The following TRPC6 variants were observed in gnomAD, a reference collection of about 807,000 sequenced individuals.
TRPC6 encodes the protein transient receptor potential cation channel subfamily C member 6.
TRPC6 carries 55 observed loss-of-function variants against 90.7 expected under a neutral mutation model. That is an observed-to-expected ratio of 0.61 (90% CI 0.49 to 0.76). The LOEUF (loss-of-function observed/expected upper bound fraction) is 0.76. TRPC6 is among the 30% of genes least tolerant of loss of function. The pLI is 0.00. For missense variants in TRPC6, 989 were observed against 1,122.7 expected (o/e 0.88, Z 1.70); for synonymous variants, 393 against 393.0 (o/e 1.00, Z 0.00).
At chr11:101,467,588 T>C (rs936671141) in intron 10 of TRPC6, among the ~76,000 whole-genome samples, 2 of 152,194 alleles carry the variant, frequency 1.3e-5, no homozygotes, top group African/African-American at 4.8e-5. Context: ...CAGAAATTGC[T>C]CACAAAATAT....
intron 2 of TRPC6, among the ~76,000 whole-genome samples, chr11:101,499,804 C>A (rs1860058986): frequency 1.2e-5 from 1 of 86,074 alleles, no homozygotes; most frequent in Admixed American, 1.2e-4. Flanking sequence ...TATATATATA[C>A]ACAGTATAAA....
At chr11:101,476,038 A>G (rs896033111) in intron 6 of TRPC6, among the ~76,000 whole-genome samples, 32 of 152,142 alleles carry the variant, frequency 2.1e-4, no homozygotes, top group African/African-American at 7.5e-4. Context: ...TGTATTCTCC[A>G]TGAAGTTTGA....
chr11:101,567,071 TG>T (rs371959897), intron 1 of TRPC6, among the ~76,000 whole-genome samples: 8 of 58,200 alleles, frequency 1.4e-4, no homozygotes, highest in East Asian at 4.6e-4. Flanking sequence ...CGGGGCGGGG[TG>T]GGGGGGGTCC....
At chr11:101,569,816 A>G (rs1218879823) in intron 1 of TRPC6, among the ~76,000 whole-genome samples, 1 of 152,202 alleles carries the variant, frequency 6.6e-6, no homozygotes, top group African/African-American at 2.4e-5. Flanking sequence ...GTTCTTTGAA[A>G]CCAACAAGAA....
chr11:101,452,077 C>T lies in TRPC6; in HGVS notation c.*878G>A, dbSNP rs1488046524. ...TGTGGGGATTCATCTGTAAATGCTC[C>T]CAGAAATGGCACAAAATTGTGCTAT... On this transcript the variant is annotated 3_prime_UTR_variant, in exon 13 of 13. Coordinates refer to ENST00000344327, the MANE Select transcript of TRPC6 (RefSeq NM_004621.6). The T allele has an allele frequency of 6.6e-6, 1 of 152,074 alleles. No individual in the cohort carries two copies. The highest frequency in any genetic ancestry group is 6.6e-5 in the Admixed American group (1 of 15,262). The allele number at this position is 152,074 out of a possible 1,614,324, so 9.4% of individuals were successfully genotyped here.
intron 1 of TRPC6, among the ~76,000 whole-genome samples, chr11:101,582,616 C>T (rs1862222446): frequency 6.6e-6 from 1 of 152,114 alleles, no homozygotes; most frequent in Non-Finnish European, 1.5e-5. Context: ...TTACCCACAG[C>T]CCAATACAAA....
chr11:101,491,686 AG>A lies in TRPC6; in HGVS notation c.997del (p.Asp334IlefsTer13), dbSNP rs750673675. On this transcript the variant is annotated frameshift_variant, in exon 3 of 13. Coordinates refer to ENST00000344327, the MANE Select transcript of TRPC6 (RefSeq NM_004621.6). LOFTEE classifies it high-confidence loss of function. ...TTCTTCAGTGTTTCTGCACAGATCAAGGAGTCCAACAACAAAGTCTTTGCAC... is the reference window on the plus strand; with the variant it reads ...TTCTTCAGTGTTTCTGCACAGATCAAGAGTCCAACAACAAAGTCTTTGCAC... Reference protein sequence around the residue: ...MQCKDFVVGLLDLCRNTEEVE... With the variant: ...MQCKDFVVGLXDLCRNTEEVE... 6.2e-7 allele frequency: 1 copy of A among 1,613,932 alleles called. No homozygotes were observed. The highest frequency in any genetic ancestry group is 8.5e-7 in the Non-Finnish European group (1 of 1,180,012).
intron 1 of TRPC6, among the ~76,000 whole-genome samples, chr11:101,506,669 A>G (rs1195618424): frequency 6.6e-6 from 1 of 152,142 alleles, no homozygotes; most frequent in Non-Finnish European, 1.5e-5. Context: ...AAGTTATACA[A>G]CCTAATAATT....
chr11:101,547,730 C>G (rs923054272), intron 1 of TRPC6, among the ~76,000 whole-genome samples: 2 of 152,080 alleles, frequency 1.3e-5, no homozygotes, highest in African/African-American at 4.8e-5. Flanking sequence ...AGAAAACTGC[C>G]TGAAGGTCCA....
At chr11:101,540,214 C>G (rs1861138099) in intron 1 of TRPC6, among the ~76,000 whole-genome samples, 1 of 152,134 alleles carries the variant, frequency 6.6e-6, no homozygotes, top group South Asian at 2.1e-4. Flanking sequence ...GAGAAGACTG[C>G]CTGAGGCCTC....
chr11:101,499,603 T>TATATAC lies in TRPC6; in HGVS notation c.945+4420_945+4421insGTATAT, dbSNP rs375026688. ...ATATATACGTATATATATACGTATA[T>TATATAC]ATGGTATATATATATACACACACAA... is the stretch of plus-strand genomic sequence containing the variant. On this transcript the variant is annotated intron_variant, in intron 2 of 12. Coordinates refer to ENST00000344327, the MANE Select transcript of TRPC6 (RefSeq NM_004621.6). 1.3e-3 allele frequency among the ~76,000 whole-genome samples: 92 copies of TATATAC among 68,698 alleles called. 2 individuals carry two copies. The highest frequency in any genetic ancestry group is 3.9e-3 in the African/African-American group (57 of 14,696). 45.1% of individuals were successfully genotyped at this position (68,698 alleles called of 152,430 possible). A position where few individuals can be genotyped will look rare whatever the true frequency, so the allele number is the denominator to read the frequency against.
At chr11:101,543,814 A>T (rs1426233587) in intron 1 of TRPC6, among the ~76,000 whole-genome samples, 1 of 152,198 alleles carries the variant, frequency 6.6e-6, no homozygotes, top group African/African-American at 2.4e-5. Context: ...CATTTAGGAC[A>T]TAGGCATGGG....
intron 1 of TRPC6, among the ~76,000 whole-genome samples, chr11:101,580,786 T>C (rs1035170788): frequency 2.6e-5 from 4 of 152,174 alleles, no homozygotes; most frequent in African/African-American, 9.7e-5. Flanking sequence ...GCAATATTCA[T>C]ATCTAAAATG....
chr11:101,541,611 G>A (rs993394748), intron 1 of TRPC6, among the ~76,000 whole-genome samples: 5 of 152,130 alleles, frequency 3.3e-5, no homozygotes, highest in African/African-American at 7.2e-5. Flanking sequence ...GAGGCAGGCC[G>A]AGTGGATGGA....
chr11:101,532,419 A>C (rs1233894618), intron 1 of TRPC6, among the ~76,000 whole-genome samples: 1 of 152,200 alleles, frequency 6.6e-6, no homozygotes, highest in Non-Finnish European at 1.5e-5. Context: ...TGAGTTTGAG[A>C]TAGATCTTAT....
intron 1 of TRPC6, among the ~76,000 whole-genome samples, chr11:101,556,514 G>A (rs1019219408): frequency 2.6e-5 from 4 of 152,040 alleles, no homozygotes; most frequent in African/African-American, 9.7e-5. Flanking sequence ...TGAAGAAATA[G>A]AATATGTGAA....
At chr11:101,581,975 T>C (rs1862207106) in intron 1 of TRPC6, among the ~76,000 whole-genome samples, 1 of 152,244 alleles carries the variant, frequency 6.6e-6, no homozygotes, top group Non-Finnish European at 1.5e-5. Context: ...AAGATTTCTT[T>C]GAGGGATGAT....
intron 1 of TRPC6, among the ~76,000 whole-genome samples, chr11:101,532,731 G>C (rs1353375168): frequency 1.3e-5 from 2 of 151,814 alleles, no homozygotes; most frequent in African/African-American, 4.8e-5. Flanking sequence ...GAAAGAATTA[G>C]CCAAGAGCAC....
Position 101,471,260 on chromosome 11 carries a change from G to A in TRPC6, c.2332C>T (p.Leu778=). 6.2e-7 allele frequency: 1 copy of A among 1,613,952 alleles called. No homozygotes were observed. Among genetic ancestry groups the A allele is most frequent in the South Asian group, 1.1e-5 (1 of 91,080 alleles). The change falls in exon 9 of 13, where the codon CTG becomes TTG. Residue 778 remains leucine (L), a synonymous_variant. Coordinates refer to ENST00000344327, the MANE Select transcript of TRPC6 (RefSeq NM_004621.6). ...PSPKSLFYLL[L]KLKKWISELF... The stretch of plus-strand genomic sequence containing the variant: ...TCAGAAATCCATTTTTTAAGCTTCA[G>A]TAAGAGATAAAACAGGGACTTTGGA...
Sources: allele counts gnomAD v4.1 joint callset (sites outside exome capture counted in the v4.1 genomes callset), GRCh38; gene constraint gnomAD v4.1.1; transcripts MANE v1.5; gene names NCBI Gene and HGNC (gene_info 2026-07-23, HGNC 2026-07-21).